Variants in BMPR1A observed in about 807,000 individuals in gnomAD.
The protein encoded by BMPR1A is bone morphogenetic protein receptor type 1A.
A neutral mutation model predicts 66.0 loss-of-function variants in BMPR1A; 7 were observed. The observed-to-expected ratio is 0.11, with a 90% confidence interval of 0.06 to 0.20. The LOEUF is 0.20. Ranked by LOEUF, BMPR1A falls within the 10% of genes least tolerant of loss-of-function variation. The probability of loss-of-function intolerance (pLI) is 1.00; values close to 1 mark genes in which losing one functional copy is unlikely to be tolerated. For missense variants in BMPR1A, 408 were observed against 669.1 expected (o/e 0.61, Z 4.31); for synonymous variants, 200 against 229.7 (o/e 0.87, Z 1.17).
At chr10:86,796,786 T>G (rs531239987) in intron 1 of BMPR1A, among the ~76,000 whole-genome samples, 2 of 152,086 alleles carry the variant, frequency 1.3e-5, no homozygotes, top group Admixed American at 6.5e-5. Context: ...TCACCGAGAC[T>G]GAGTTACTGT....
intron 1 of BMPR1A, among the ~76,000 whole-genome samples, chr10:86,832,426 A>C (rs1842282845): frequency 6.6e-6 from 1 of 151,190 alleles, no homozygotes; most frequent in African/African-American, 2.4e-5. Context: ...AGTTCGTGCC[A>C]TTGCACTCCA....
chr10:86,907,645 A>G (rs564841189), intron 7 of BMPR1A, among the ~76,000 whole-genome samples: 4 of 152,358 alleles, frequency 2.6e-5, no homozygotes, highest in African/African-American at 7.2e-5. Flanking sequence ...CAGAAAATTA[A>G]TGAAATCCTG....
chr10:86,798,530 G>A (rs1030012316), intron 1 of BMPR1A, among the ~76,000 whole-genome samples: 1 of 152,062 alleles, frequency 6.6e-6, no homozygotes, highest in Admixed American at 6.6e-5. Context: ...AAAATGAGTG[G>A]CTTTTAAAAG....
intron 1 of BMPR1A, among the ~76,000 whole-genome samples, chr10:86,759,264 TTCC>T (rs1247172901): frequency 1.3e-5 from 2 of 152,228 alleles, no homozygotes; most frequent in Non-Finnish European, 2.9e-5. Flanking sequence ...TGTTTCTTCT[TTCC>T]TCTTTAATAT....
At chr10:86,849,982 CTCTCTT>C (rs1186682284) in intron 2 of BMPR1A, among the ~76,000 whole-genome samples, 2 of 152,098 alleles carry the variant, frequency 1.3e-5, no homozygotes, top group Non-Finnish European at 2.9e-5. Context: ...AAGCATCTTG[CTCTCTT>C]TTGGGGTGGG....
intron 1 of BMPR1A, among the ~76,000 whole-genome samples, chr10:86,806,403 G>A (rs142061243): frequency 3.9e-5 from 6 of 152,142 alleles, no homozygotes; most frequent in Non-Finnish European, 8.8e-5. Flanking sequence ...GTTGTAGAAT[G>A]GTGATTTTTC....
chr10:86,898,138 T>C (rs957742117), intron 5 of BMPR1A, among the ~76,000 whole-genome samples: 3 of 152,044 alleles, frequency 2.0e-5, no homozygotes, highest in African/African-American at 7.2e-5. Flanking sequence ...CAGGCTGGAC[T>C]TGAACTCCTA....
chr10:86,773,164 C>T (rs1841291569), intron 1 of BMPR1A, among the ~76,000 whole-genome samples: 1 of 145,850 alleles, frequency 6.9e-6, no homozygotes, highest in Admixed American at 6.8e-5. Flanking sequence ...TCTTCCTTTC[C>T]TTCTCAGCTT....
At chr10:86,773,890 C>T (rs1455474140) in intron 1 of BMPR1A, among the ~76,000 whole-genome samples, 1 of 144,556 alleles carries the variant, frequency 6.9e-6, no homozygotes, top group East Asian at 2.1e-4. Context: ...CTTACTCTGT[C>T]GCCAGGCTGG....
chr10:86,851,531 G>A (rs889346171), intron 2 of BMPR1A, among the ~76,000 whole-genome samples: 1 of 152,160 alleles, frequency 6.6e-6, no homozygotes, highest in African/African-American at 2.4e-5. Flanking sequence ...AGTGAACATT[G>A]CTCAAGATCT....
chr10:86,891,531 A>G (rs756445375), intron 4 of BMPR1A, among the ~76,000 whole-genome samples: 4 of 152,228 alleles, frequency 2.6e-5, no homozygotes, highest in Non-Finnish European at 5.9e-5. Context: ...GAATATATTA[A>G]GGGGAAACTC....
At chr10:86,908,039 C>CA (rs921317824) in intron 7 of BMPR1A, among the ~76,000 whole-genome samples, 1 of 152,006 alleles carries the variant, frequency 6.6e-6, no homozygotes, top group Admixed American at 6.6e-5. Context: ...CACATCTCTA[C>CA]AAAAAAATAC....
intron 3 of BMPR1A, among the ~76,000 whole-genome samples, chr10:86,877,855 C>T (rs934141803): frequency 6.6e-6 from 1 of 152,134 alleles, no homozygotes; most frequent in Non-Finnish European, 1.5e-5. Flanking sequence ...CACACGTAGG[C>T]AATATGATAC....
intron 1 of BMPR1A, among the ~76,000 whole-genome samples, chr10:86,830,762 G>A (rs1384972774): frequency 4.0e-5 from 6 of 151,808 alleles, no homozygotes; most frequent in Non-Finnish European, 7.4e-5. Context: ...TATTTTCCTA[G>A]CCTGTACCTC....
chr10:86,763,541 G>A (rs539167463), intron 1 of BMPR1A, among the ~76,000 whole-genome samples: 15 of 152,284 alleles, frequency 9.9e-5, no homozygotes, highest in Admixed American at 5.9e-4. Context: ...GTCATATAAT[G>A]CTTTTGGTCC....
chr10:86,919,671 T>TA (rs572822857), intron 10 of BMPR1A, among the ~76,000 whole-genome samples: 60 of 151,376 alleles, frequency 4.0e-4, no homozygotes, highest in Middle Eastern at 3.4e-3. Flanking sequence ...TATATATATA[T>TA]TTTTTTGGTG....
At chr10:86,898,661 C>T (rs1013016831) in intron 5 of BMPR1A, among the ~76,000 whole-genome samples, 1 of 152,166 alleles carries the variant, frequency 6.6e-6, no homozygotes, top group Admixed American at 6.5e-5. Context: ...CCCCATGCTG[C>T]CAAAGAAACC....
At chr10:86,805,801 T>C (rs1484390654) in intron 1 of BMPR1A, among the ~76,000 whole-genome samples, 1 of 152,084 alleles carries the variant, frequency 6.6e-6, no homozygotes, top group Non-Finnish European at 1.5e-5. Flanking sequence ...TTCTGTGTAA[T>C]CATTCTTCAG....
chr10:86,772,951 T>C (rs1003640983), intron 1 of BMPR1A, among the ~76,000 whole-genome samples: 2 of 152,162 alleles, frequency 1.3e-5, no homozygotes, highest in Non-Finnish European at 2.9e-5. Flanking sequence ...ACTGTAAGTT[T>C]AAAAAATTCT....
Sources: gnomAD v4.1 joint callset for allele counts (sites outside exome capture counted in the v4.1 genomes callset) on GRCh38, gnomAD v4.1.1 for gene constraint, MANE v1.5 for transcripts, NCBI Gene and HGNC (gene_info 2026-07-23, HGNC 2026-07-21) for gene names.